Variants in RBFOX3 observed in about 807,000 individuals in gnomAD.
The protein encoded by RBFOX3 is RNA binding fox-1 homolog 3, also known as RNA binding protein fox-1 homolog 3.
RBFOX3 carries 17 observed loss-of-function variants against 48.7 expected under a neutral mutation model. That is an observed-to-expected ratio of 0.35 (90% CI 0.24 to 0.52). RBFOX3 has a LOEUF of 0.52. Among genes scored for constraint, RBFOX3 ranks in the 20% least tolerant of loss-of-function variants. The pLI is 0.94. For synonymous variants in RBFOX3, 212 were observed against 209.5 expected (o/e 1.01, Z -0.10); for missense variants, 382 against 497.5 (o/e 0.77, Z 2.21).
chr17:79,414,602 C>T (rs773937751), intron 2 of RBFOX3, among the ~76,000 whole-genome samples: 15 of 152,184 alleles, frequency 9.9e-5, no homozygotes, highest in African/African-American at 2.2e-4. Context: ...GCTGTCTGTT[C>T]GCCTGCCTGC....
At chr17:79,117,290 AC>A (rs1295438784) in intron 4 of RBFOX3, among the ~76,000 whole-genome samples, 1 of 152,126 alleles carries the variant, frequency 6.6e-6, no homozygotes, top group East Asian at 1.9e-4. Context: ...ACGCTCAGCC[AC>A]CCTGGCAGGG....
At chr17:79,442,877 C>T (rs1393214869) in intron 2 of RBFOX3, among the ~76,000 whole-genome samples, 3 of 152,166 alleles carry the variant, frequency 2.0e-5, no homozygotes, top group South Asian at 2.1e-4. Flanking sequence ...GAATCAGGTC[C>T]GTGCATGATT....
chr17:79,100,718 A>G (rs943578573), intron 9 of RBFOX3, among the ~76,000 whole-genome samples: 1 of 152,204 alleles, frequency 6.6e-6, no homozygotes, highest in African/African-American at 2.4e-5. Context: ...CCTGGCAGGA[A>G]TGAGCGGAGG....
At chr17:79,216,094 G>C (rs2059006481) in intron 4 of RBFOX3, among the ~76,000 whole-genome samples, 1 of 152,254 alleles carries the variant, frequency 6.6e-6, no homozygotes. Context: ...TAACTGTCTG[G>C]GCTTTGGAGC....
intron 3 of RBFOX3, among the ~76,000 whole-genome samples, chr17:79,237,226 G>T (rs967904819): frequency 3.3e-5 from 5 of 152,224 alleles, no homozygotes; most frequent in African/African-American, 4.8e-5. Context: ...AAGACGGTCA[G>T]ACTGGGCCTC....
chr17:79,483,996 G>A (rs2079156674), intron 1 of RBFOX3, among the ~76,000 whole-genome samples: 2 of 149,054 alleles, frequency 1.3e-5, no homozygotes, highest in South Asian at 2.2e-4. Flanking sequence ...CCCAAACAGT[G>A]TATGTGTGCC....
intron 1 of RBFOX3, among the ~76,000 whole-genome samples, chr17:79,541,910 G>A (rs12942714): frequency 0.012 from 1,901 of 152,170 alleles, 17 homozygotes; most frequent in Non-Finnish European, 0.02. Context: ...ATGTCACCAG[G>A]TGGGCCACGG....
At chr17:79,286,438 C>T (rs1239236918) in intron 3 of RBFOX3, among the ~76,000 whole-genome samples, 1 of 152,198 alleles carries the variant, frequency 6.6e-6, no homozygotes, top group African/African-American at 2.4e-5. Context: ...GCACTTCTCT[C>T]CCCCTGCAGC....
intron 2 of RBFOX3, among the ~76,000 whole-genome samples, chr17:79,410,887 C>T (rs929964528): frequency 8.5e-5 from 13 of 152,298 alleles, no homozygotes; most frequent in African/African-American, 3.1e-4. Context: ...ACCTGTGGCA[C>T]CAGCAGGTGC....
At chr17:79,206,543 G>A (rs531996983) in intron 4 of RBFOX3, among the ~76,000 whole-genome samples, 3 of 138,108 alleles carry the variant, frequency 2.2e-5, no homozygotes, top group South Asian at 2.3e-4. Flanking sequence ...AGAAGTGGGC[G>A]GGAGCGGATG....
chr17:79,200,908 CTG>C (rs1407414216), intron 4 of RBFOX3, among the ~76,000 whole-genome samples: 83 of 152,182 alleles, frequency 5.5e-4, no homozygotes, highest in African/African-American at 5.3e-4. Flanking sequence ...GTCCTCGTCT[CTG>C]TGTGCGGCGG....
At chr17:79,432,257 G>A (rs139557312) in intron 2 of RBFOX3, among the ~76,000 whole-genome samples, 75 of 152,330 alleles carry the variant, frequency 4.9e-4, no homozygotes, top group African/African-American at 1.7e-3. Flanking sequence ...ACTATGAACC[G>A]AGTGTGCACA....
intron 4 of RBFOX3, among the ~76,000 whole-genome samples, chr17:79,129,447 G>A (rs1486747340): frequency 5.8e-5 from 6 of 104,248 alleles, no homozygotes; most frequent in Non-Finnish European, 2.3e-5. Context: ...GGAGGAAGGA[G>A]GGGTGGGCAG....
rs376297504 is a variant in RBFOX3, at chr17:79,274,501, T to C, written c.-74+33223A>G. On this transcript the variant is annotated intron_variant, in intron 3 of 14. Transcript: ENST00000693108. ...TTTGTCCTGCTGTGAGGCCGAGGAG[T>C]TGAAGCTTCCGTATCTGGGCGGGGA... Among the ~76,000 whole-genome samples, 119 of 151,838 alleles carry C rather than the reference T, an allele frequency of 7.8e-4. 3 individuals carry two copies. In the South Asian group the frequency reaches 0.024, roughly 31 times the overall value.
chr17:79,266,911 G>A (rs1173104615), intron 3 of RBFOX3, among the ~76,000 whole-genome samples: 1 of 152,160 alleles, frequency 6.6e-6, no homozygotes, highest in Non-Finnish European at 1.5e-5. Flanking sequence ...CACCCTCCCT[G>A]GATCCTTTAT....
chr17:79,374,116 G>A (rs918420890), intron 2 of RBFOX3, among the ~76,000 whole-genome samples: 4 of 152,204 alleles, frequency 2.6e-5, no homozygotes, highest in Non-Finnish European at 5.9e-5. Context: ...ACCTGCCTCG[G>A]CCTCCCAAAG....
the RBFOX3 span, among the ~76,000 whole-genome samples, chr17:79,631,901 A>G: frequency 6.6e-6 from 1 of 152,240 alleles, no homozygotes; most frequent in East Asian, 1.9e-4. Flanking sequence ...GACGGAGGGT[A>G]CCCAGCAGAT....
chr17:79,551,172 T>G (rs1005184566), intron 1 of RBFOX3, among the ~76,000 whole-genome samples: 422 of 152,308 alleles, frequency 2.8e-3, no homozygotes, highest in Non-Finnish European at 2.9e-3. Flanking sequence ...GAATCCAGGC[T>G]ATGCAAGGCC....
intron 4 of RBFOX3, among the ~76,000 whole-genome samples, chr17:79,151,321 C>A (rs566275688): frequency 6.8e-6 from 1 of 147,940 alleles, no homozygotes; most frequent in African/African-American, 2.5e-5. Flanking sequence ...CCACGGGACG[C>A]GTGGTCCCGA....
Sources: allele counts gnomAD v4.1 joint callset (sites outside exome capture counted in the v4.1 genomes callset), GRCh38; gene constraint gnomAD v4.1.1; transcripts MANE v1.5; gene names NCBI Gene and HGNC (gene_info 2026-07-23, HGNC 2026-07-21).